ASTN1: variants seen among roughly 807,000 people sequenced by gnomAD.
The protein encoded by ASTN1 is astrotactin 1.
A neutral mutation model predicts 140.7 loss-of-function variants in ASTN1; 41 were observed. The ratio of observed to expected loss-of-function variants is 0.29; its 90% confidence interval spans 0.23 to 0.38. The LOEUF (loss-of-function observed/expected upper bound fraction) is 0.38. ASTN1 is among the 10% of genes least tolerant of loss of function. ASTN1 has a pLI of 1.00. For missense variants in ASTN1, 1,479 were observed against 1,678.8 expected (o/e 0.88, Z 2.08); for synonymous variants, 640 against 652.2 (o/e 0.98, Z 0.29).
chr1:177,043,032 C>G (rs1393525327), intron 2 of ASTN1, among the ~76,000 whole-genome samples: 1 of 152,180 alleles, frequency 6.6e-6, no homozygotes, highest in Non-Finnish European at 1.5e-5. Flanking sequence ...ACCAATATGG[C>G]CAAGGAGGGT....
chr1:177,092,049 CTA>C (rs1215328607), intron 1 of ASTN1, among the ~76,000 whole-genome samples: 1 of 151,956 alleles, frequency 6.6e-6, no homozygotes, highest in East Asian at 1.9e-4. Context: ...TATGGTAATT[CTA>C]TGTTTAACTT....
intron 1 of ASTN1, among the ~76,000 whole-genome samples, chr1:177,138,626 T>C (rs907682886): frequency 3.3e-5 from 5 of 152,214 alleles, no homozygotes; most frequent in Non-Finnish European, 5.9e-5. Context: ...GCCATGTTAA[T>C]GTACCCGGAC....
At chr1:177,129,067 T>C (rs1045729604) in intron 1 of ASTN1, among the ~76,000 whole-genome samples, 1 of 152,090 alleles carries the variant, frequency 6.6e-6, no homozygotes, top group Non-Finnish European at 1.5e-5. Flanking sequence ...GACCAATAGA[T>C]GAAGATGATA....
rs1558130445 is a variant in ASTN1, at chr1:177,149,135, C to CATATATAGTAAATATATATAGTGT, written c.283+15258_283+15259insACACTATATATATTTACTATATAT. Among the ~76,000 whole-genome samples, 5 of 89,098 alleles carry CATATATAGTAAATATATATAGTGT rather than the reference C, an allele frequency of 5.6e-5. No individual in the cohort carries two copies. The East Asian group carries it at 1.9e-3, about 33-fold the overall frequency. 58.5% of individuals were successfully genotyped at this position (89,098 alleles called of 152,430 possible). On this transcript the variant is annotated intron_variant, in intron 1 of 22. Transcript: ENST00000361833. Reference sequence around the variant, plus strand: ...GTATATATAGTAAATATATATAGTGCATATATATAGTGCATATATATAGTG... The same window carrying CATATATAGTAAATATATATAGTGT: ...GTATATATAGTAAATATATATAGTGCATATATAGTAAATATATATAGTGTATATATATAGTGCATATATATAGTG...
chr1:177,068,469 T>G (rs978723851), intron 1 of ASTN1, among the ~76,000 whole-genome samples: 1 of 152,116 alleles, frequency 6.6e-6, no homozygotes, highest in Admixed American at 6.6e-5. Context: ...ACATTACCCT[T>G]AAAGGCAAAA....
intron 14 of ASTN1, among the ~76,000 whole-genome samples, chr1:176,941,712 A>G (rs1671721796): frequency 6.6e-6 from 1 of 152,328 alleles, no homozygotes; most frequent in Non-Finnish European, 1.5e-5. Flanking sequence ...TCATAACTGA[A>G]GTAAAATCTC....
chr1:177,149,533 AAT>A (rs547516657), intron 1 of ASTN1, among the ~76,000 whole-genome samples: 28 of 57,608 alleles, frequency 4.9e-4, no homozygotes, highest in Admixed American at 1.8e-3. Flanking sequence ...ATATATAGTA[AAT>A]ATATATAGTA....
chr1:176,886,526 T>A (rs1000086126), intron 18 of ASTN1, among the ~76,000 whole-genome samples: 3 of 152,228 alleles, frequency 2.0e-5, no homozygotes, highest in African/African-American at 7.2e-5. Flanking sequence ...AGAAGTCCAA[T>A]CATGACTATG....
At chr1:176,917,453 C>A (rs1211010198) in intron 16 of ASTN1, among the ~76,000 whole-genome samples, 2 of 152,096 alleles carry the variant, frequency 1.3e-5, no homozygotes, top group African/African-American at 2.4e-5. Context: ...TCTGGCACCC[C>A]CGTGGGAAGA....
At chr1:177,157,594 G>A (rs1683295727) in intron 1 of ASTN1, among the ~76,000 whole-genome samples, 1 of 151,974 alleles carries the variant, frequency 6.6e-6, no homozygotes, top group Non-Finnish European at 1.5e-5. Flanking sequence ...GATTACAGGT[G>A]TGAGCCACCA....
chr1:176,942,751 A>G (rs1671772820), intron 14 of ASTN1, among the ~76,000 whole-genome samples: 1 of 145,004 alleles, frequency 6.9e-6, no homozygotes. Flanking sequence ...CTCACCTCTT[A>G]GAGTCTTCCT....
intron 1 of ASTN1, among the ~76,000 whole-genome samples, chr1:177,162,507 A>G (rs1647438237): frequency 6.6e-6 from 1 of 152,140 alleles, no homozygotes; most frequent in African/African-American, 2.4e-5. Flanking sequence ...GGTGCAGAAA[A>G]CCCGTTCTTA....
intron 1 of ASTN1, among the ~76,000 whole-genome samples, chr1:177,080,104 C>A (rs544610490): frequency 6.6e-6 from 1 of 151,856 alleles, no homozygotes; most frequent in South Asian, 2.1e-4. Context: ...AATGCTTAAG[C>A]AACAATGTCA....
chr1:177,112,355 C>T (rs1680861413), intron 1 of ASTN1, among the ~76,000 whole-genome samples: 1 of 152,228 alleles, frequency 6.6e-6, no homozygotes, highest in South Asian at 2.1e-4. Context: ...CCAGTTATTT[C>T]CAGGACCTCT....
intron 2 of ASTN1, 81 bp from the exon 3 acceptor site, chr1:177,032,930 C>CCATTCATCACTTATTTATG: frequency 7.1e-7 from 1 of 1,409,298 alleles, no homozygotes; most frequent in Non-Finnish European, 9.5e-7. Context: ...TCTGCTACCA[C>CCATTCATCACTTATTTATG]CATTCATCAC....
At chr1:176,965,063 T>A in intron 9 of ASTN1, 100 bp downstream of exon 9, 1 of 1,145,148 alleles carries the variant, frequency 8.7e-7, no homozygotes, top group Non-Finnish European at 1.3e-6. Flanking sequence ...ACTCAAGGTG[T>A]TTCCTATTTT....
chr1:177,140,493 C>T (rs917802066), intron 1 of ASTN1, among the ~76,000 whole-genome samples: 21 of 152,150 alleles, frequency 1.4e-4, no homozygotes, highest in East Asian at 5.8e-4. Context: ...TCCTTTATCC[C>T]GCATGTATCA....
rs1647614697 is a variant in ASTN1, at chr1:177,164,670, A to T, written c.7T>A (p.Leu3Ile). The T allele has an allele frequency of 6.4e-7, 1 of 1,574,732 alleles. No individual in the cohort carries two copies. The highest frequency in any genetic ancestry group is 8.6e-7 in the Non-Finnish European group (1 of 1,161,120). The change falls in exon 1 of 23, where the codon TTA (leucine) becomes ATA (isoleucine). Residue 3 changes from leucine to isoleucine, a missense_variant. Leu to Ile is a conservative substitution (Grantham distance 5). Coordinates refer to ENST00000361833, the MANE Select transcript of ASTN1 (RefSeq NM_004319.3). ...GCGAGCAGGGCGCAGAGCCCGGCTAAAGCCATCTTGAGCCCCGGCCGCCTT... is the reference window on the plus strand; with the variant it reads ...GCGAGCAGGGCGCAGAGCCCGGCTATAGCCATCTTGAGCCCCGGCCGCCTT... Reference protein sequence around the residue: MALAGLCALLACC... With the variant: MAIAGLCALLACC...
chr1:176,864,127 G>T lies in ASTN1; in HGVS notation c.*157C>A. 6.8e-7 allele frequency: 1 copy of T among 1,475,696 alleles called. No individual in the cohort carries two copies. The allele number at this position is 1,475,696 out of a possible 1,614,324, so 91.4% of individuals were successfully genotyped here. On this transcript the variant is annotated 3_prime_UTR_variant, in exon 23 of 23. Transcript: ENST00000361833. ...AGATGGAGAACATCATACTGAAGAA[G>T]TTCTGCAGGGAGCAAGGATCACTTT...
Sources: allele counts gnomAD v4.1 joint callset (sites outside exome capture counted in the v4.1 genomes callset), GRCh38; gene constraint gnomAD v4.1.1; transcripts MANE v1.5; gene names NCBI Gene and HGNC (gene_info 2026-07-23, HGNC 2026-07-21).